The following IER3IP1 variants were observed in gnomAD, a reference collection of about 807,000 sequenced individuals.
The protein encoded by IER3IP1 is immediate early response 3 interacting protein 1, also known as immediate early response 3-interacting protein 1.
In IER3IP1, 16 loss-of-function variants were observed where a neutral mutation model predicts 12.2. The ratio of observed to expected loss-of-function variants is 1.31; its 90% CI spans 0.89 to 1.99. The LOEUF is 1.99. Among genes scored for constraint, IER3IP1 ranks in the 30% most tolerant of loss-of-function variants. The pLI is 0.00. For missense variants in IER3IP1, 95 were observed against 95.8 expected (o/e 0.99, Z 0.03); for synonymous variants, 42 against 40.0 (o/e 1.05, Z -0.19).
intron 1 of IER3IP1, among the ~76,000 whole-genome samples, chr18:47,169,686 C>T (rs1352550013): frequency 6.6e-6 from 1 of 151,912 alleles, no homozygotes; most frequent in African/African-American, 2.4e-5. Flanking sequence ...TCGGTTTGCA[C>T]TTCTCTAATG....
rs35638006 is a variant in IER3IP1, at chr18:47,157,273, G to GA, written c.193+162dup. The GA allele has an allele frequency of 0.32, 148,786 of 467,548 alleles. 10 individuals carry two copies. Among genetic ancestry groups the GA allele is most frequent in the South Asian group, 0.37 (15,291 of 40,906 alleles). 29.0% of individuals were successfully genotyped at this position (467,548 alleles called of 1,614,324 possible). A position where few individuals can be genotyped will look rare whatever the true frequency, so the allele number is the denominator to read the frequency against. On this transcript the variant is annotated intron_variant, in intron 2 of 2. Transcript: ENST00000256433. ...TAGATAGAAGTAAGAAGCAAACTAAGAAAAAAAAAAAAAAAACCCAGTAAC... is the reference window on the plus strand; with the variant it reads ...TAGATAGAAGTAAGAAGCAAACTAAGAAAAAAAAAAAAAAAAACCCAGTAAC...
rs61729777 is a variant in IER3IP1, at chr18:47,157,482, T to C, written c.147A>G (p.Lys49=). ...ATCGAATAAGGTTCATTAGCTGTGA[T>C]TTAATTCCCGGCTCTTCTCCAAATC... The part of the protein sequence containing the change: ...IGGFGEEPGI[K]SQLMNLIRSV... Residue 49 remains lysine, a synonymous_variant, in exon 2 of 3, where the codon AAA becomes AAG. Transcript: ENST00000256433. 3.2e-4 allele frequency: 514 copies of C among 1,614,182 alleles called. 3 individuals carry two copies. In the African/African-American group the frequency reaches 6.0e-3, roughly 19 times the overall value.
intron 1 of IER3IP1, among the ~76,000 whole-genome samples, chr18:47,164,373 CA>C (rs1237087286): frequency 6.6e-6 from 1 of 151,920 alleles, no homozygotes; most frequent in Non-Finnish European, 1.5e-5. Flanking sequence ...AGTAAAAGAT[CA>C]GGGGCCAGGG....
chr18:47,156,485 G>T (rs2063959557), intron 2 of IER3IP1, among the ~76,000 whole-genome samples: 3 of 152,154 alleles, frequency 2.0e-5, no homozygotes, highest in Admixed American at 2.0e-4. Context: ...AACATCTGTG[G>T]ATAGTCCCGG....
chr18:47,166,265 A>G (rs2063995686), intron 1 of IER3IP1, among the ~76,000 whole-genome samples: 1 of 152,186 alleles, frequency 6.6e-6, no homozygotes, highest in African/African-American at 2.4e-5. Flanking sequence ...AAGTTATTTA[A>G]TTATTTAGAA....
At chr18:47,165,175 A>G (rs1044014189) in intron 1 of IER3IP1, among the ~76,000 whole-genome samples, 3 of 152,212 alleles carry the variant, frequency 2.0e-5, no homozygotes, top group African/African-American at 7.2e-5. Flanking sequence ...CATGTGATCA[A>G]ATGCTATCAT....
At chr18:47,160,195 C>CAA (rs145577681) in intron 1 of IER3IP1, among the ~76,000 whole-genome samples, 14 of 137,274 alleles carry the variant, frequency 1.0e-4, no homozygotes, top group Non-Finnish European at 1.6e-4. Context: ...AACTCCGTCT[C>CAA]AAAAAAAAAA....
At chr18:47,161,058 C>G (rs937609414) in intron 1 of IER3IP1, among the ~76,000 whole-genome samples, 1 of 152,160 alleles carries the variant, frequency 6.6e-6, no homozygotes, top group Admixed American at 6.6e-5. Context: ...TTCAGGTCCA[C>G]TTTTTCCTAT....
intron 1 of IER3IP1, 22 bp downstream of exon 1, chr18:47,176,165 C>A: frequency 1.3e-6 from 2 of 1,569,746 alleles, no homozygotes; most frequent in Non-Finnish European, 8.6e-7. Context: ...CGCCCCAGCC[C>A]GCGCCCCGCG....
rs934790057 is a variant in IER3IP1 at position 47,176,340 on chromosome 18, G to A, written c.-63C>T. Reference sequence around the variant, plus strand: ...CTCCCGCCGCCGCAAGGGACGTGGCGCCTCCACGGCCGGCGCCTTCCTACG... The same window carrying A: ...CTCCCGCCGCCGCAAGGGACGTGGCACCTCCACGGCCGGCGCCTTCCTACG... On this transcript the variant is annotated 5_prime_UTR_variant, in exon 1 of 3. Transcript: ENST00000256433. 16 of 1,428,714 alleles carry A rather than the reference G, an allele frequency of 1.1e-5. No individual in the cohort carries two copies. The African/African-American group carries it at 1.1e-4, about 10-fold the overall frequency. The allele number at this position is 1,428,714 out of a possible 1,614,324, so 88.5% of individuals were successfully genotyped here. A position where few individuals can be genotyped will look rare whatever the true frequency, so the allele number is the denominator to read the frequency against.
At chr18:47,157,111 A>G (rs979150233) in intron 2 of IER3IP1, 14 of 313,278 alleles carry the variant, frequency 4.5e-5, no homozygotes, top group Non-Finnish European at 7.1e-5. Context: ...AAACCTCCCA[A>G]TACTGTATGT....
At chr18:47,173,194 T>C (rs573710293) in intron 1 of IER3IP1, among the ~76,000 whole-genome samples, 1 of 152,288 alleles carries the variant, frequency 6.6e-6, no homozygotes, top group African/African-American at 2.4e-5. Flanking sequence ...TTCACCTTCT[T>C]ACCTAGCACC....
At chr18:47,164,378 GC>G (rs1260309614) in intron 1 of IER3IP1, among the ~76,000 whole-genome samples, 1 of 151,964 alleles carries the variant, frequency 6.6e-6, no homozygotes, top group African/African-American at 2.4e-5. Flanking sequence ...AAGATCAGGG[GC>G]CAGGGATTAT....
intron 1 of IER3IP1, among the ~76,000 whole-genome samples, chr18:47,158,283 G>A (rs2063967906): frequency 6.6e-6 from 1 of 152,104 alleles, no homozygotes; most frequent in African/African-American, 2.4e-5. Context: ...CCAAAGTGCT[G>A]GGATTACACA....
At chr18:47,161,595 C>A (rs1489342095) in intron 1 of IER3IP1, among the ~76,000 whole-genome samples, 1 of 152,060 alleles carries the variant, frequency 6.6e-6, no homozygotes, top group African/African-American at 2.4e-5. Flanking sequence ...AGTTTTATAT[C>A]CTACCACACC....
intron 1 of IER3IP1, among the ~76,000 whole-genome samples, chr18:47,171,445 G>A (rs926445127): frequency 3.9e-5 from 6 of 152,136 alleles, no homozygotes; most frequent in Admixed American, 6.5e-5. Context: ...GTGAGAAATT[G>A]GTATTAAGTC....
rs775593435 is a variant in IER3IP1 at position 47,157,460 on chromosome 18, G to T, written c.169C>A (p.Arg57=). Residue 57 remains arginine (R), a synonymous_variant, in exon 2 of 3, where the codon CGA becomes AGA. Transcript: ENST00000256433. The part of the protein sequence containing the change: ...GIKSQLMNLI[R]SVRTVMRVPL... The stretch of plus-strand genomic sequence containing the variant: ...CCTCTCATCACGGTTCTTACAGATC[G>T]AATAAGGTTCATTAGCTGTGATTTA... The T allele has an allele frequency of 2.5e-6, 4 of 1,613,844 alleles. No individual in the cohort carries two copies. The South Asian group carries it at 4.4e-5, about 18-fold the overall frequency.
rs765425942 is a variant in IER3IP1, at chr18:47,156,208, A to G, written c.218T>C (p.Ile73Thr). 2.7e-5 allele frequency: 42 copies of G among 1,569,810 alleles called. No homozygotes were observed. Among genetic ancestry groups the G allele is most frequent in the Non-Finnish European group, 3.6e-5 (41 of 1,140,514 alleles). ...MRVPLIIVNS[I>T]AIVLLLLFG ...AAATAATAAAAGTAACACAATTGCA[A>G]TTGAGTTTACTATTATCAATGGCAC... Residue 73 changes from isoleucine to threonine, a missense_variant, in exon 3 of 3, where the codon ATT becomes ACT. By Grantham distance (89) the Ile-to-Thr change is moderately conservative. Transcript: ENST00000256433.
In IER3IP1 at chr18:47,176,302, C is replaced by A. The variant is rs757974680; in HGVS notation, c.-25G>T. 1 of 1,581,374 alleles carries A rather than the reference C, an allele frequency of 6.3e-7. No homozygotes were observed. The highest frequency in any genetic ancestry group is 8.6e-7 in the Non-Finnish European group (1 of 1,161,188). Reference sequence around the variant, plus strand: ...TGGCCGTCCGAGGCCGCCCCGAAGTCCAAGCGATTTCTCTCCCGCCGCCGC... The same window carrying A: ...TGGCCGTCCGAGGCCGCCCCGAAGTACAAGCGATTTCTCTCCCGCCGCCGC... On this transcript the variant is annotated 5_prime_UTR_variant, in exon 1 of 3. Coordinates refer to ENST00000256433, the MANE Select transcript of IER3IP1 (RefSeq NM_016097.5).
Sources: allele counts gnomAD v4.1 joint callset (sites outside exome capture counted in the v4.1 genomes callset), GRCh38; gene constraint gnomAD v4.1.1; transcripts MANE v1.5; gene names NCBI Gene and HGNC (gene_info 2026-07-23, HGNC 2026-07-21).